Variants in EFHC1 observed in about 807,000 individuals in gnomAD.
The protein encoded by EFHC1 is EF-hand domain containing 1, also known as EF-hand domain-containing protein 1.
In EFHC1, 53 loss-of-function variants were observed where a neutral mutation model predicts 69.9. That is an observed-to-expected ratio of 0.76 (90% CI 0.61 to 0.95). The LOEUF (loss-of-function observed/expected upper bound fraction) is 0.95. EFHC1 is among the 40% of genes least tolerant of loss of function. EFHC1 has a pLI of 0.00. For synonymous variants in EFHC1, 256 were observed against 278.4 expected, an observed-to-expected ratio of 0.92 and a Z score of 0.80; for missense variants, 739 against 798.7, an observed-to-expected ratio of 0.93 and a Z score of 0.90.
In EFHC1 at chr6:52,494,068, A is replaced by G. The variant is rs956191532; in HGVS notation, c.*1727A>G. On this transcript the variant is annotated 3_prime_UTR_variant, in exon 11 of 11. Coordinates refer to ENST00000371068, the MANE Select transcript of EFHC1 (RefSeq NM_018100.4). ...TGTTTTGTTTTACCCTCAGTCGCTC[A>G]TAACTATTTAAAACAGTATCTCTTT... The G allele has an allele frequency of 3.1e-5, 12 of 388,118 alleles. No individual in the cohort carries two copies. In the African/African-American group the frequency reaches 3.5e-4, roughly 11 times the overall value. 24.0% of individuals were successfully genotyped at this position (388,118 alleles called of 1,614,324 possible).
chr6:52,491,765 G>A (rs185863482), intron 10 of EFHC1, among the ~76,000 whole-genome samples: 24 of 152,312 alleles, frequency 1.6e-4, no homozygotes, highest in Admixed American at 3.9e-4. Flanking sequence ...AAAGGCAACC[G>A]CCCGAGCTGC....
At chr6:52,421,383 G>T (rs1764188461) in intron 1 of EFHC1, among the ~76,000 whole-genome samples, 1 of 150,158 alleles carries the variant, frequency 6.7e-6, no homozygotes, top group African/African-American at 2.4e-5. Context: ...GTTTTTATTT[G>T]CATTTTCTAG....
At chr6:52,454,617 A>G (rs908376529) in intron 5 of EFHC1, among the ~76,000 whole-genome samples, 2 of 152,218 alleles carry the variant, frequency 1.3e-5, no homozygotes, top group Non-Finnish European at 2.9e-5. Context: ...TTTTCATTCA[A>G]GGATATGAAT....
At position 52,423,788 on chromosome 6, in the gene EFHC1, G is replaced by C. The variant is rs62407871; in HGVS notation, c.64-158G>C. The C allele has an allele frequency of 0.12, 183,171 of 1,529,664 alleles. 11,783 individuals are homozygous for C. The highest frequency in any genetic ancestry group is 0.23 in the Middle Eastern group (1,074 of 4,684). The allele number at this position is 1,529,664 out of a possible 1,614,324, so 94.8% of individuals were successfully genotyped here. On this transcript the variant is annotated intron_variant, in intron 1 of 10. Coordinates refer to ENST00000371068, the MANE Select transcript of EFHC1 (RefSeq NM_018100.4). ...CCCAGAGTTCTGGGATTATAGGCAC[G>C]AGCCACCATGCCCAGCCTTAATGTT...
At chr6:52,490,776 G>A (rs763643101) in intron 10 of EFHC1, 2 of 241,928 alleles carry the variant, frequency 8.3e-6, no homozygotes, top group Non-Finnish European at 1.6e-5. Context: ...CACTGCAGGA[G>A]GGCTGTGGCA....
intron 5 of EFHC1, among the ~76,000 whole-genome samples, chr6:52,459,943 T>C (rs1456174192): frequency 6.6e-6 from 1 of 152,202 alleles, no homozygotes; most frequent in Admixed American, 6.5e-5. Flanking sequence ...CAAAGTAATC[T>C]GAGATTACAG....
Position 52,438,493 on chromosome 6 carries a change from CG to C in EFHC1, c.479del (p.Gly160ValfsTer9). 1 of 1,613,878 alleles carries C rather than the reference CG, an allele frequency of 6.2e-7. No individual in the cohort carries two copies. The highest frequency in any genetic ancestry group is 8.5e-7 in the Non-Finnish European group (1 of 1,179,928). ...IKRQRLAKND[R>X]GDHYHWKDLN... Reference sequence around the variant, plus strand: ...ACGCCAGCGGCTAGCCAAGAATGACCGGGGTGACCATTACCATTGGAAAGAC... The same window carrying C: ...ACGCCAGCGGCTAGCCAAGAATGACCGGGTGACCATTACCATTGGAAAGAC... On this transcript the variant is annotated frameshift_variant, in exon 3 of 11. Transcript: ENST00000371068. LOFTEE classifies it high-confidence loss of function.
intron 5 of EFHC1, among the ~76,000 whole-genome samples, chr6:52,454,996 G>GT (rs1181116270): frequency 1.3e-5 from 2 of 152,106 alleles, no homozygotes; most frequent in African/African-American, 2.4e-5. Context: ...GGAGGCTGAG[G>GT]TGGGAGGATC....
At chr6:52,433,528 C>T (rs1764461016) in intron 2 of EFHC1, among the ~76,000 whole-genome samples, 1 of 152,166 alleles carries the variant, frequency 6.6e-6, no homozygotes, top group African/African-American at 2.4e-5. Flanking sequence ...GTGCTGTGAG[C>T]CGTCTGTGGG....
chr6:52,437,981 C>T (rs1248425292), intron 2 of EFHC1, among the ~76,000 whole-genome samples: 1 of 152,084 alleles, frequency 6.6e-6, no homozygotes, highest in Admixed American at 6.5e-5. Context: ...AAATTATTTA[C>T]ATAATTATTT....
intron 3 of EFHC1, among the ~76,000 whole-genome samples, chr6:52,450,529 G>T (rs547104144): frequency 6.6e-6 from 1 of 152,156 alleles, no homozygotes; most frequent in East Asian, 1.9e-4. Flanking sequence ...AGTTTTTTTT[G>T]TTGAGTTGGA....
At chr6:52,452,537 A>G (rs1764937533) in intron 3 of EFHC1, 151 bp from the exon 4 acceptor site, 2 of 789,626 alleles carry the variant, frequency 2.5e-6, no homozygotes, top group Non-Finnish European at 4.2e-6. Flanking sequence ...CCTGCGTTTC[A>G]GGAGTCCTCC....
chr6:52,492,810 T>G lies in EFHC1; in HGVS notation c.*469T>G, dbSNP rs1396460616. ...TTAAAATTATTTTGTAGAGACAAGG[T>G]CTTGCTAGGTTGCCTGAACTTGTCT... On this transcript the variant is annotated 3_prime_UTR_variant, in exon 11 of 11. Transcript: ENST00000371068. 2.3e-6 allele frequency: 1 copy of G among 440,560 alleles called. No homozygotes were observed. Among genetic ancestry groups the G allele is most frequent in the African/African-American group, 2.0e-5 (1 of 49,342 alleles). 27.3% of individuals were successfully genotyped at this position (440,560 alleles called of 1,614,324 possible). A position where few individuals can be genotyped will look rare whatever the true frequency, so the allele number is the denominator to read the frequency against.
At chr6:52,430,878 CTTG>C (rs1162469443) in intron 2 of EFHC1, among the ~76,000 whole-genome samples, 6 of 152,044 alleles carry the variant, frequency 3.9e-5, no homozygotes, top group Non-Finnish European at 5.9e-5. Flanking sequence ...AGTCTTGCTG[CTTG>C]TTGTTGGTCT....
intron 3 of EFHC1, 114 bp from the exon 4 acceptor site, chr6:52,452,574 T>C (rs1415293615): frequency 7.2e-6 from 9 of 1,243,144 alleles, no homozygotes; most frequent in Admixed American, 3.6e-5. Flanking sequence ...AGTGCTGAGA[T>C]TGTAGGCCTG....
intron 4 of EFHC1, 157 bp downstream of exon 4, chr6:52,452,994 G>C: frequency 6.4e-7 from 1 of 1,557,324 alleles, no homozygotes. Flanking sequence ...CTTTCATCAA[G>C]GGTTACAGGT....
intron 6 of EFHC1, 56 bp downstream of exon 6, chr6:52,465,171 T>A: frequency 2.0e-6 from 3 of 1,496,708 alleles, no homozygotes; most frequent in Admixed American, 3.6e-5. Flanking sequence ...GAGGTAGAAA[T>A]TTAAGAAAAA....
At chr6:52,480,959 A>C (rs866870604) in intron 9 of EFHC1, among the ~76,000 whole-genome samples, 5 of 152,198 alleles carry the variant, frequency 3.3e-5, no homozygotes, top group African/African-American at 1.2e-4. Context: ...CATTGGGAGC[A>C]GGGGCATCTG....
At chr6:52,453,704 A>G (rs771159438) in intron 4 of EFHC1, 4 of 1,251,984 alleles carry the variant, frequency 3.2e-6, no homozygotes, top group South Asian at 2.7e-5. Flanking sequence ...TGGTTAATAA[A>G]TAAAAATTTT....
Sources: allele counts gnomAD v4.1 joint callset (sites outside exome capture counted in the v4.1 genomes callset), GRCh38; gene constraint gnomAD v4.1.1; transcripts MANE v1.5; gene names NCBI Gene and HGNC (gene_info 2026-07-23, HGNC 2026-07-21).